Variants in SPOCK1 observed in about 807,000 individuals in gnomAD.
SPOCK1 encodes testican-1.
A neutral mutation model predicts 55.3 loss-of-function variants in SPOCK1; 23 were observed. That is an observed-to-expected ratio of 0.42 (90% CI 0.30 to 0.59). The LOEUF (loss-of-function observed/expected upper bound fraction) is 0.59, where lower values mean the gene tolerates loss of function less well. Ranked by LOEUF, SPOCK1 falls within the 20% of genes least tolerant of loss-of-function variation. The pLI, the probability that SPOCK1 is intolerant of heterozygous loss-of-function variation, is 0.22. For missense variants in SPOCK1, 499 were observed against 552.5 expected (o/e 0.90, Z 0.97); for synonymous variants, 226 against 221.0 (o/e 1.02, Z -0.20).
chr5:137,099,307 A>G (rs910125838), intron 5 of SPOCK1, among the ~76,000 whole-genome samples: 2 of 152,180 alleles, frequency 1.3e-5, no homozygotes, highest in Admixed American at 6.5e-5. Context: ...TTTAACATAC[A>G]TACTTTTTAA....
chr5:137,129,119 G>A (rs1753828656), intron 4 of SPOCK1, among the ~76,000 whole-genome samples: 1 of 152,194 alleles, frequency 6.6e-6, no homozygotes, highest in African/African-American at 2.4e-5. Flanking sequence ...TGTCCTCATG[G>A]TCTTCAGGGT....
intron 6 of SPOCK1, among the ~76,000 whole-genome samples, chr5:137,041,847 T>C (rs971805606): frequency 6.6e-6 from 1 of 152,212 alleles, no homozygotes; most frequent in African/African-American, 2.4e-5. Flanking sequence ...TTTCATTTAT[T>C]GCTGCTGGAA....
chr5:137,278,067 G>C (rs879519099), intron 2 of SPOCK1, among the ~76,000 whole-genome samples: 3 of 152,206 alleles, frequency 2.0e-5, no homozygotes, highest in Admixed American at 6.5e-5. Flanking sequence ...GGCTTGGCAT[G>C]AAGTTTTCTT....
intron 5 of SPOCK1, among the ~76,000 whole-genome samples, chr5:137,099,631 T>C (rs1258480320): frequency 6.6e-6 from 1 of 151,558 alleles, no homozygotes; most frequent in Non-Finnish European, 1.5e-5. Context: ...TATATATATG[T>C]ATATGTACAT....
At chr5:137,038,065 C>T (rs901024615) in intron 6 of SPOCK1, among the ~76,000 whole-genome samples, 3 of 152,150 alleles carry the variant, frequency 2.0e-5, no homozygotes, top group Admixed American at 6.5e-5. Flanking sequence ...GCTGTCTCTC[C>T]CGTAAGTCTG....
chr5:137,263,903 A>G (rs1756798601), intron 3 of SPOCK1, among the ~76,000 whole-genome samples: 1 of 152,184 alleles, frequency 6.6e-6, no homozygotes, highest in South Asian at 2.1e-4. Flanking sequence ...CAGGTGAGAT[A>G]CTTTTCTTCT....
chr5:137,276,312 T>C (rs1392917628), intron 2 of SPOCK1, among the ~76,000 whole-genome samples: 1 of 152,224 alleles, frequency 6.6e-6, no homozygotes, highest in Non-Finnish European at 1.5e-5. Context: ...TACTCCTCTA[T>C]CAAATCCCAG....
chr5:137,159,440 C>T (rs1187176550), intron 3 of SPOCK1, among the ~76,000 whole-genome samples: 2 of 152,076 alleles, frequency 1.3e-5, no homozygotes, highest in Admixed American at 6.6e-5. Context: ...ATACACTGTA[C>T]CCAATATGTA....
chr5:136,992,419 G>T, intron 7 of SPOCK1, 65 bp downstream of exon 7: 1 of 1,233,914 alleles, frequency 8.1e-7, no homozygotes, highest in Non-Finnish European at 1.1e-6. Context: ...ACCCCCAAAT[G>T]ATATTGCTAA....
chr5:137,040,427 C>T (rs1580720786), intron 6 of SPOCK1, among the ~76,000 whole-genome samples: 1 of 152,306 alleles, frequency 6.6e-6, no homozygotes, highest in Middle Eastern at 3.4e-3. Flanking sequence ...GTGCTGGAGA[C>T]AATCTCCAAA....
chr5:137,174,910 C>A lies in SPOCK1; in HGVS notation c.233-34216G>T, dbSNP rs965854648. Among the ~76,000 whole-genome samples the A allele has an allele frequency of 5.3e-5, 8 of 152,136 alleles. No individual in the cohort carries two copies. The East Asian group carries it at 1.5e-3, about 29-fold the overall frequency. On this transcript the variant is annotated intron_variant, in intron 3 of 10. Transcript: ENST00000394945. ...TATGCCCCATGGAGCACCCCTCACTCTAGAAATAAAACCTTGCTAGAGGCC... is the reference window on the plus strand; with the variant it reads ...TATGCCCCATGGAGCACCCCTCACTATAGAAATAAAACCTTGCTAGAGGCC...
At chr5:137,285,488 T>A (rs17725834) in intron 2 of SPOCK1, among the ~76,000 whole-genome samples, 17,567 of 152,218 alleles carry the variant, frequency 0.12, 1,300 homozygotes, top group East Asian at 0.24. Flanking sequence ...TGGGTTAGAT[T>A]TCTCCAAGAA....
At chr5:137,458,388 T>C (rs987764677) in intron 2 of SPOCK1, among the ~76,000 whole-genome samples, 3 of 152,196 alleles carry the variant, frequency 2.0e-5, no homozygotes, top group African/African-American at 7.2e-5. Context: ...AATAAACATA[T>C]GTTACTATTG....
chr5:137,327,334 T>G (rs893022676), intron 2 of SPOCK1, among the ~76,000 whole-genome samples: 15 of 152,242 alleles, frequency 9.9e-5, no homozygotes, highest in African/African-American at 3.1e-4. Context: ...TAACAGTTTT[T>G]AGTAACTTTT....
chr5:137,275,754 C>G (rs1287975346), intron 2 of SPOCK1, among the ~76,000 whole-genome samples: 1 of 152,210 alleles, frequency 6.6e-6, no homozygotes, highest in African/African-American at 2.4e-5. Context: ...GAGTCTCCAG[C>G]TCATTAGACA....
chr5:137,155,188 A>C (rs77392087), intron 3 of SPOCK1, among the ~76,000 whole-genome samples: 2,201 of 152,320 alleles, frequency 0.014, 28 homozygotes, highest in Non-Finnish European at 0.021. Flanking sequence ...TAGCAGCCCA[A>C]ACTGGGCCCC....
chr5:137,239,298 C>T (rs2127098996), intron 3 of SPOCK1, among the ~76,000 whole-genome samples: 1 of 152,362 alleles, frequency 6.6e-6, no homozygotes, highest in South Asian at 2.1e-4. Flanking sequence ...CACAGGGAAA[C>T]TCCTGCACTT....
At chr5:137,085,155 G>C (rs746717096) in intron 5 of SPOCK1, among the ~76,000 whole-genome samples, 16 of 152,264 alleles carry the variant, frequency 1.1e-4, no homozygotes, top group Middle Eastern at 6.8e-3. Context: ...GCACCTCAGG[G>C]TCGGAGGGTT....
chr5:137,067,053 C>G lies in SPOCK1; in HGVS notation c.589+662G>C, dbSNP rs187660353. Among the ~76,000 whole-genome samples the G allele has an allele frequency of 3.8e-3, 571 of 151,302 alleles. 1 individual carries two copies. The highest frequency in any genetic ancestry group is 0.013 in the African/African-American group (553 of 41,210). ...GAAAAGCCAACTACAGCTGAGAAAG[C>G]TGAATTCCACAGAAGGCAAATTCAA... is the stretch of plus-strand genomic sequence containing the variant. On this transcript the variant is annotated intron_variant, in intron 6 of 10. Transcript: ENST00000394945.
Sources: gnomAD v4.1 joint callset for allele counts (sites outside exome capture counted in the v4.1 genomes callset) on GRCh38, gnomAD v4.1.1 for gene constraint, MANE v1.5 for transcripts, NCBI Gene and HGNC (gene_info 2026-07-23, HGNC 2026-07-21) for gene names.